Variants in CCDC60 observed in about 807,000 individuals in gnomAD.
The protein encoded by CCDC60 is coiled-coil domain-containing protein 60.
In CCDC60, 54 loss-of-function variants were observed where a neutral mutation model predicts 63.5. That is an observed-to-expected ratio of 0.85 (90% CI 0.68 to 1.07). The LOEUF (loss-of-function observed/expected upper bound fraction) is 1.07, where lower values mean the gene tolerates loss of function less well. CCDC60 is among the 50% of genes least tolerant of loss of function. The pLI is 0.00. For synonymous variants in CCDC60, 206 were observed against 238.8 expected, an observed-to-expected ratio of 0.86 and a Z score of 1.27; for missense variants, 651 against 684.3, an observed-to-expected ratio of 0.95 and a Z score of 0.54.
In CCDC60 at chr12:119,536,316, G is replaced by A. The variant is rs113540892; in HGVS notation, c.1552-4298G>A. Reference sequence around the variant, plus strand: ...TTTGAGCCTATGTGTGTCTCTGCACGTGAGATGGGTCTACTGAATACAGCA... The same window carrying A: ...TTTGAGCCTATGTGTGTCTCTGCACATGAGATGGGTCTACTGAATACAGCA... On this transcript the variant is annotated intron_variant, in intron 13 of 13. Coordinates refer to ENST00000327554, the MANE Select transcript of CCDC60 (RefSeq NM_178499.5). Among the ~76,000 whole-genome samples the A allele has an allele frequency of 6.8e-3, 1,028 of 152,180 alleles. 8 individuals carry two copies. The highest frequency in any genetic ancestry group is 0.023 in the African/African-American group (967 of 41,528).
intron 1 of CCDC60, among the ~76,000 whole-genome samples, chr12:119,343,595 G>A (rs1486749522): frequency 6.6e-6 from 1 of 151,338 alleles, no homozygotes; most frequent in African/African-American, 2.4e-5. Context: ...AGTGCTGTTG[G>A]AAAGAACATT....
chr12:119,479,291 C>T (rs1566031759), intron 4 of CCDC60, 90 bp downstream of exon 4: 2 of 863,558 alleles, frequency 2.3e-6, no homozygotes, highest in African/African-American at 1.7e-5. Context: ...ATGTCAGTAG[C>T]TGTTCCTTTG....
At chr12:119,347,316 A>G (rs552024540) in intron 1 of CCDC60, among the ~76,000 whole-genome samples, 2 of 152,264 alleles carry the variant, frequency 1.3e-5, no homozygotes, top group South Asian at 4.2e-4. Context: ...TGAAATGTTG[A>G]TAATCGTAAA....
Position 119,386,841 on chromosome 12 carries a change from C to T in CCDC60, c.91-41842C>T, listed in dbSNP as rs1048330760. On this transcript the variant is annotated intron_variant, in intron 1 of 13. Coordinates refer to ENST00000327554, the MANE Select transcript of CCDC60 (RefSeq NM_178499.5). ...TTACCAACCGAGCATTGCGAGGAAG[C>T]CTCTCTCCTTTGGAAGGTCAAATTC... Among the ~76,000 whole-genome samples, 12 of 152,124 alleles carry T rather than the reference C, an allele frequency of 7.9e-5. No individual in the cohort carries two copies. The South Asian group carries it at 2.5e-3, about 32-fold the overall frequency.
intron 1 of CCDC60, among the ~76,000 whole-genome samples, chr12:119,405,094 C>T (rs1476123296): frequency 6.6e-6 from 1 of 152,174 alleles, no homozygotes; most frequent in Non-Finnish European, 1.5e-5. Context: ...AAATAATAAG[C>T]AAGTTCAGCT....
intron 1 of CCDC60, among the ~76,000 whole-genome samples, chr12:119,378,059 A>T (rs1565976703): frequency 6.6e-6 from 1 of 152,212 alleles, no homozygotes; most frequent in Non-Finnish European, 1.5e-5. Context: ...GAAAAGCTTG[A>T]GGAGGCGGTG....
chr12:119,450,516 G>A (rs1283368964), intron 2 of CCDC60, among the ~76,000 whole-genome samples: 4 of 152,154 alleles, frequency 2.6e-5, no homozygotes, highest in Non-Finnish European at 4.4e-5. Flanking sequence ...ATGAAGAAGT[G>A]CATGGCTGTG....
At chr12:119,498,023 C>T (rs904856111) in intron 5 of CCDC60, among the ~76,000 whole-genome samples, 6 of 152,150 alleles carry the variant, frequency 3.9e-5, no homozygotes, top group African/African-American at 7.2e-5. Flanking sequence ...CTCACCAGCC[C>T]GACTTCCACT....
chr12:119,449,862 T>TC (rs1342624596), intron 2 of CCDC60, among the ~76,000 whole-genome samples: 2 of 152,102 alleles, frequency 1.3e-5, no homozygotes, highest in African/African-American at 4.8e-5. Context: ...CTAATCAAGT[T>TC]CTAAAGGATG....
At chr12:119,403,688 T>C (rs1486587608) in intron 1 of CCDC60, among the ~76,000 whole-genome samples, 1 of 152,010 alleles carries the variant, frequency 6.6e-6, no homozygotes, top group Admixed American at 6.6e-5. Context: ...CCCTTGTTCC[T>C]CACCCCTCCC....
chr12:119,358,916 T>C (rs1205619402), intron 1 of CCDC60, among the ~76,000 whole-genome samples: 1 of 152,222 alleles, frequency 6.6e-6, no homozygotes, highest in Non-Finnish European at 1.5e-5. Context: ...TGAATGTTTT[T>C]TGTACAATGC....
In CCDC60 at chr12:119,398,775, G is replaced by A. The variant is rs148595765; in HGVS notation, c.91-29908G>A. On this transcript the variant is annotated intron_variant, in intron 1 of 13. Coordinates refer to ENST00000327554, the MANE Select transcript of CCDC60 (RefSeq NM_178499.5). ...TTATAGTCTTAAGATTGTTTAATGC[G>A]TACTGACTCTTTGTAGTAAGGTTTA... Among the ~76,000 whole-genome samples, 19 of 152,324 alleles carry A rather than the reference G, an allele frequency of 1.2e-4. No homozygotes were observed. The East Asian group carries it at 2.7e-3, about 22-fold the overall frequency.
intron 5 of CCDC60, among the ~76,000 whole-genome samples, chr12:119,493,836 TTTTTG>T (rs769682586): frequency 6.6e-6 from 1 of 152,218 alleles, no homozygotes; most frequent in Non-Finnish European, 1.5e-5. Context: ...CTGAGGGTTT[TTTTTG>T]TTTTGTTTTG....
At chr12:119,358,648 A>G (rs1457491638) in intron 1 of CCDC60, among the ~76,000 whole-genome samples, 2 of 152,216 alleles carry the variant, frequency 1.3e-5, no homozygotes, top group African/African-American at 4.8e-5. Flanking sequence ...ATCACCATCA[A>G]TTATTTTTGC....
At chr12:119,436,251 G>A (rs915800813) in intron 2 of CCDC60, among the ~76,000 whole-genome samples, 1 of 152,120 alleles carries the variant, frequency 6.6e-6, no homozygotes, top group African/African-American at 2.4e-5. Context: ...TTGGAGACAT[G>A]AGCTAGCATC....
chr12:119,372,476 G>A (rs1311741659), intron 1 of CCDC60, among the ~76,000 whole-genome samples: 1 of 152,178 alleles, frequency 6.6e-6, no homozygotes, highest in African/African-American at 2.4e-5. Flanking sequence ...CCATAGCGTG[G>A]CTTCCAGGGT....
intron 5 of CCDC60, among the ~76,000 whole-genome samples, chr12:119,499,371 G>A (rs1028113642): frequency 6.6e-6 from 1 of 152,134 alleles, no homozygotes; most frequent in Non-Finnish European, 1.5e-5. Flanking sequence ...ACAAAATTAG[G>A]TACAGGATCC....
chr12:119,381,447 G>A (rs1956006949), intron 1 of CCDC60, among the ~76,000 whole-genome samples: 1 of 152,210 alleles, frequency 6.6e-6, no homozygotes, highest in Admixed American at 6.5e-5. Context: ...TGGTTGCCAA[G>A]CAAACGTGGC....
At chr12:119,386,615 A>G (rs560601780) in intron 1 of CCDC60, among the ~76,000 whole-genome samples, 5 of 152,240 alleles carry the variant, frequency 3.3e-5, no homozygotes, top group African/African-American at 1.2e-4. Flanking sequence ...TGCTGGGCAT[A>G]ATGACCAGGT....
Sources: allele counts gnomAD v4.1 joint callset (sites outside exome capture counted in the v4.1 genomes callset), GRCh38; gene constraint gnomAD v4.1.1; transcripts MANE v1.5; gene names NCBI Gene and HGNC (gene_info 2026-07-23, HGNC 2026-07-21).